Variants in USP34 observed in about 807,000 individuals in gnomAD.
The protein encoded by USP34 is ubiquitin carboxyl-terminal hydrolase 34.
USP34 carries 70 observed loss-of-function variants against 460.3 expected under a neutral mutation model. The observed-to-expected ratio is 0.15, with a 90% confidence interval of 0.13 to 0.19. The LOEUF (loss-of-function observed/expected upper bound fraction) is 0.19, where lower values mean the gene tolerates loss of function less well. USP34 is among the 10% of genes least tolerant of loss of function. The pLI is 1.00. For missense variants in USP34, 3,985 were observed against 4,236.2 expected (o/e 0.94, Z 1.65); for synonymous variants, 1,647 against 1,405.3 (o/e 1.17, Z -3.85).
At chr2:61,414,206 C>T (rs953914594) in intron 2 of USP34, among the ~76,000 whole-genome samples, 7 of 151,770 alleles carry the variant, frequency 4.6e-5, no homozygotes, top group African/African-American at 1.7e-4. Context: ...CGAGATCATG[C>T]CACTGCACTC....
chr2:61,308,746 A>G (rs1192504798), intron 27 of USP34, among the ~76,000 whole-genome samples: 2 of 152,166 alleles, frequency 1.3e-5, no homozygotes, highest in Admixed American at 6.6e-5. Flanking sequence ...TGTAAGAAAA[A>G]ATACTACATG....
intron 24 of USP34, 42 bp downstream of exon 24, chr2:61,314,833 C>A: frequency 6.3e-7 from 1 of 1,599,078 alleles, no homozygotes; most frequent in Non-Finnish European, 8.5e-7. Flanking sequence ...AAAACACCCT[C>A]ACATAGAAAT....
chr2:61,275,271 C>G (rs1312410345), intron 41 of USP34, among the ~76,000 whole-genome samples: 1 of 151,848 alleles, frequency 6.6e-6, no homozygotes, highest in East Asian at 1.9e-4. Flanking sequence ...AGAGCCAGAC[C>G]CCGTCTCAAA....
In USP34 at chr2:61,327,149, A is replaced by G. The variant is rs558129936; in HGVS notation, c.2931-1692T>C. Among the ~76,000 whole-genome samples, 21 of 152,128 alleles carry G rather than the reference A, an allele frequency of 1.4e-4. No homozygotes were observed. The South Asian group carries it at 4.0e-3, about 29-fold the overall frequency. On this transcript the variant is annotated intron_variant, in intron 20 of 79. Transcript: ENST00000398571. ...GAGCAAAATTTTAACAGCATCCCAAAATTAGCTTCCCAAAATCGCACTAAA... is the reference window on the plus strand; with the variant it reads ...GAGCAAAATTTTAACAGCATCCCAAGATTAGCTTCCCAAAATCGCACTAAA...
chr2:61,290,309 C>T (rs780967611), intron 33 of USP34, among the ~76,000 whole-genome samples: 33 of 152,094 alleles, frequency 2.2e-4, no homozygotes, highest in Non-Finnish European at 4.6e-4. Flanking sequence ...CTTACACTTA[C>T]CATATTATTT....
intron 76 of USP34, 131 bp downstream of exon 76, chr2:61,192,764 ATTCATT>A: frequency 1.7e-6 from 1 of 596,406 alleles, no homozygotes; most frequent in East Asian, 3.0e-5. Flanking sequence ...TAGTATTTTC[ATTCATT>A]CATATGTTAC....
At chr2:61,457,188 A>C (rs1368093603) in intron 1 of USP34, among the ~76,000 whole-genome samples, 1 of 152,156 alleles carries the variant, frequency 6.6e-6, no homozygotes, top group Non-Finnish European at 1.5e-5. Context: ...AGGTGGGAGG[A>C]TCTCTTGAGC....
rs61200102 is a variant in USP34, at chr2:61,385,671, C to CAAAA, written c.754-2339_754-2336dup. ...TGGGCAACAAAGCAAGACTCTGTCT[C>CAAAA]AAAAAAAAAAAAAAAAAAAAAAAGA... On this transcript the variant is annotated intron_variant, in intron 5 of 79. Transcript: ENST00000398571. 5.5e-3 allele frequency among the ~76,000 whole-genome samples: 254 copies of CAAAA among 45,952 alleles called. 5 individuals carry two copies. The highest frequency in any genetic ancestry group is 9.6e-3 in the Admixed American group (26 of 2,716). 30.1% of individuals were successfully genotyped at this position (45,952 alleles called of 152,430 possible). A position where few individuals can be genotyped will look rare whatever the true frequency, so the allele number is the denominator to read the frequency against.
chr2:61,350,174 T>G, intron 12 of USP34, 86 bp downstream of exon 12: 2 of 1,371,264 alleles, frequency 1.5e-6, no homozygotes, highest in East Asian at 4.7e-5. Context: ...AAAATAAAGA[T>G]TGAACTGAAT....
intron 15 of USP34, among the ~76,000 whole-genome samples, chr2:61,344,827 G>A (rs1013123975): frequency 3.9e-5 from 6 of 152,124 alleles, no homozygotes; most frequent in Non-Finnish European, 7.3e-5. Context: ...TTAGGCCCCT[G>A]GGGGAAATCT....
chr2:61,201,594 A>G (rs1686980183), intron 75 of USP34, among the ~76,000 whole-genome samples: 1 of 152,180 alleles, frequency 6.6e-6, no homozygotes. Context: ...CATGGTTACA[A>G]AAGTGATAAG....
At chr2:61,237,824 C>T (rs965792770) in intron 53 of USP34, among the ~76,000 whole-genome samples, 3 of 151,652 alleles carry the variant, frequency 2.0e-5, no homozygotes, top group Non-Finnish European at 2.9e-5. Flanking sequence ...AATCCACCTA[C>T]TTCCCAAAGT....
chr2:61,469,535 G>C (rs1695884018), intron 1 of USP34, among the ~76,000 whole-genome samples: 1 of 152,168 alleles, frequency 6.6e-6, no homozygotes, highest in African/African-American at 2.4e-5. Flanking sequence ...TTGAAATTAA[G>C]TTAGAACCCT....
At chr2:61,305,114 A>G (rs1229913226) in intron 27 of USP34, among the ~76,000 whole-genome samples, 2 of 152,208 alleles carry the variant, frequency 1.3e-5, no homozygotes, top group East Asian at 3.8e-4. Flanking sequence ...TCATGAGGTC[A>G]GGAGCTCGAG....
At chr2:61,255,770 T>G (rs1688708550) in intron 48 of USP34, among the ~76,000 whole-genome samples, 2 of 152,224 alleles carry the variant, frequency 1.3e-5, no homozygotes, top group African/African-American at 4.8e-5. Flanking sequence ...TTTGTCCAGC[T>G]TATCTGTGTT....
At chr2:61,242,706 G>C (rs1471080414) in intron 51 of USP34, among the ~76,000 whole-genome samples, 1 of 152,084 alleles carries the variant, frequency 6.6e-6, no homozygotes, top group East Asian at 1.9e-4. Context: ...GTAAGGAGAC[G>C]AGGATTCTAC....
chr2:61,311,923 A>G lies in USP34; in HGVS notation c.3543-13T>C, dbSNP rs749455598. 3.1e-6 allele frequency: 5 copies of G among 1,610,414 alleles called. No individual in the cohort carries two copies. The South Asian group carries it at 5.5e-5, about 18-fold the overall frequency. On this transcript the variant is annotated splice_polypyrimidine_tract_variant and intron_variant, in intron 25 of 79. Transcript: ENST00000398571. The stretch of plus-strand genomic sequence containing the variant: ...ATGATATGCAAACCTAAAACATGAC[A>G]CAAACAACACATAGAAAGGATACCA...
chr2:61,293,322 C>T (rs1049899001), intron 33 of USP34, 142 bp downstream of exon 33: 3 of 489,168 alleles, frequency 6.1e-6, no homozygotes, highest in African/African-American at 2.0e-5. Context: ...GTTTATCAAA[C>T]TGTATTTTTA....
intron 10 of USP34, among the ~76,000 whole-genome samples, chr2:61,364,851 G>A (rs543267214): frequency 8.9e-4 from 136 of 152,030 alleles, no homozygotes; most frequent in African/African-American, 3.1e-3. Context: ...TATTGCTTGA[G>A]CTCCGGAGAC....
Sources: allele counts gnomAD v4.1 joint callset (sites outside exome capture counted in the v4.1 genomes callset), GRCh38; gene constraint gnomAD v4.1.1; transcripts MANE v1.5; gene names NCBI Gene and HGNC (gene_info 2026-07-23, HGNC 2026-07-21).